Variants in ARFGAP3 observed in about 807,000 individuals in gnomAD.
ARFGAP3 encodes ARF GTPase activating protein 3.
ARFGAP3 carries 72 observed loss-of-function variants against 75.0 expected under a neutral mutation model. The observed-to-expected ratio is 0.96, with a 90% CI of 0.79 to 1.17. The LOEUF (loss-of-function observed/expected upper bound fraction) is 1.17, where lower values mean the gene tolerates loss of function less well. Among genes scored for constraint, ARFGAP3 ranks in the 50% most tolerant of loss-of-function variants. The pLI, the probability that ARFGAP3 is intolerant of heterozygous loss-of-function variation, is 0.00. For missense variants in ARFGAP3, 620 were observed against 626.6 expected, an observed-to-expected ratio of 0.99 and a Z score of 0.11; for synonymous variants, 221 against 217.9, an observed-to-expected ratio of 1.01 and a Z score of -0.13.
chr22:42,799,765 C>A (rs1394369893), intron 14 of ARFGAP3, among the ~76,000 whole-genome samples: 1 of 152,150 alleles, frequency 6.6e-6, no homozygotes, highest in African/African-American at 2.4e-5. Context: ...ACGACTGCCC[C>A]TCCCACTCGC....
intron 6 of ARFGAP3, among the ~76,000 whole-genome samples, chr22:42,828,401 T>C (rs56138607): frequency 6.6e-6 from 1 of 151,600 alleles, no homozygotes. Context: ...ACTAAAAATA[T>C]AAAAATTAGC....
At position 42,799,141 on chromosome 22, in the gene ARFGAP3, A is replaced by G. The variant is rs1128013; in HGVS notation, c.1431T>C (p.Ser477=). ...CCATGTCGGGGGCGTTGGGCAGCAC[A>G]CTGGACAGGCTGTAGTTCCCTGCAC... The part of the protein sequence containing the change: ...KQPAGNYSLS[S]VLPNAPDMAQ... The change falls in exon 15 of 16, where the codon AGT becomes AGC. Residue 477 remains serine, a synonymous_variant. Coordinates refer to ENST00000263245, the MANE Select transcript of ARFGAP3 (RefSeq NM_014570.5). 745,773 of 1,613,726 alleles carry G rather than the reference A, an allele frequency of 0.46. 177,656 individuals carry two copies. The highest frequency in any genetic ancestry group is 0.51 in the African/African-American group (38,246 of 74,878).
chr22:42,797,700 C>T (rs769076419), intron 15 of ARFGAP3, 95 bp from the exon 16 acceptor site: 457 of 1,611,544 alleles, frequency 2.8e-4, no homozygotes, highest in Non-Finnish European at 3.1e-4. Flanking sequence ...ATTGACACTG[C>T]AGCCCATGTC....
intron 11 of ARFGAP3, among the ~76,000 whole-genome samples, chr22:42,811,959 T>C (rs1030898998): frequency 1.3e-5 from 2 of 152,112 alleles, no homozygotes; most frequent in African/African-American, 4.8e-5. Context: ...GGTGGATTGC[T>C]TGAGCCTGGG....
intron 11 of ARFGAP3, 81 bp from the exon 12 acceptor site, chr22:42,811,025 G>A: frequency 6.4e-7 from 1 of 1,554,558 alleles, no homozygotes; most frequent in African/African-American, 1.4e-5. Flanking sequence ...CACAGATGTG[G>A]GGGATGCCTC....
At chr22:42,838,290 A>ATATATTT (rs1555899059) in intron 3 of ARFGAP3, among the ~76,000 whole-genome samples, 116 of 137,188 alleles carry the variant, frequency 8.5e-4, no homozygotes, top group Non-Finnish European at 1.3e-3. Context: ...ATATATATAT[A>ATATATTT]TTTTTTTTTT....
chr22:42,824,999 G>A (rs760747227), intron 7 of ARFGAP3, among the ~76,000 whole-genome samples: 1 of 152,198 alleles, frequency 6.6e-6, no homozygotes, highest in Non-Finnish European at 1.5e-5. Context: ...CCATGTTGCT[G>A]CAAAGGACAT....
chr22:42,845,120 A>G (rs1397364628), intron 2 of ARFGAP3, among the ~76,000 whole-genome samples: 2 of 152,236 alleles, frequency 1.3e-5, no homozygotes, highest in African/African-American at 4.8e-5. Context: ...AGAGGGAAAG[A>G]ACACAGTAAA....
chr22:42,836,051 C>G (rs9607960), intron 3 of ARFGAP3, among the ~76,000 whole-genome samples: 5,640 of 143,280 alleles, frequency 0.039, 151 homozygotes, highest in African/African-American at 0.076. Flanking sequence ...GGCTCCATCT[C>G]GGTTCACTGC....
chr22:42,850,277 T>C (rs1927217970), intron 1 of ARFGAP3, among the ~76,000 whole-genome samples: 1 of 151,670 alleles, frequency 6.6e-6, no homozygotes, highest in Non-Finnish European at 1.5e-5. Flanking sequence ...AAAAAATACA[T>C]ATTAGATATA....
intron 5 of ARFGAP3, 173 bp from the exon 6 acceptor site, chr22:42,831,809 G>GCAAGACCCTGTT: frequency 5.5e-6 from 5 of 914,394 alleles, no homozygotes; most frequent in Non-Finnish European, 6.5e-6. Flanking sequence ...TAGAAACAGG[G>GCAAGACCCTGTT]TCTTGCTCTG....
intron 7 of ARFGAP3, among the ~76,000 whole-genome samples, chr22:42,825,685 CAAAA>C (rs538206434): frequency 1.6e-5 from 1 of 64,416 alleles, no homozygotes; most frequent in Non-Finnish European, 3.4e-5. Flanking sequence ...ACTCTGTCTC[CAAAA>C]AAAAAAAAAA....
At chr22:42,826,175 A>G (rs540536112) in intron 7 of ARFGAP3, among the ~76,000 whole-genome samples, 63 of 152,342 alleles carry the variant, frequency 4.1e-4, no homozygotes, top group African/African-American at 1.4e-3. Flanking sequence ...ATATATAACA[A>G]TTACAAATTA....
At chr22:42,851,540 T>C (rs1927276792) in intron 1 of ARFGAP3, among the ~76,000 whole-genome samples, 2 of 152,176 alleles carry the variant, frequency 1.3e-5, no homozygotes, top group African/African-American at 4.8e-5. Context: ...CGAATGCACA[T>C]GGTGGAGCAG....
At chr22:42,809,709 T>C (rs1209813520) in intron 12 of ARFGAP3, among the ~76,000 whole-genome samples, 1 of 151,850 alleles carries the variant, frequency 6.6e-6, no homozygotes, top group Non-Finnish European at 1.5e-5. Context: ...TACCTTAAAA[T>C]TGGGGGAAAA....
At chr22:42,815,509 G>A (rs761093182) in intron 11 of ARFGAP3, among the ~76,000 whole-genome samples, 1 of 146,904 alleles carries the variant, frequency 6.8e-6, no homozygotes, top group Middle Eastern at 3.7e-3. Context: ...ACAATTCCTT[G>A]TCTATAAACA....
intron 1 of ARFGAP3, among the ~76,000 whole-genome samples, chr22:42,849,964 C>A (rs560241283): frequency 4.6e-4 from 70 of 152,198 alleles, no homozygotes; most frequent in African/African-American, 1.5e-3. Context: ...TCACACACAG[C>A]CTGAAAAATA....
chr22:42,839,779 T>G (rs1926698963), intron 3 of ARFGAP3, among the ~76,000 whole-genome samples: 1 of 152,198 alleles, frequency 6.6e-6, no homozygotes, highest in South Asian at 2.1e-4. Flanking sequence ...TTAAAGCACT[T>G]ATCACTGCCT....
chr22:42,847,718 A>G, intron 1 of ARFGAP3, 86 bp from the exon 2 acceptor site: 1 of 1,499,006 alleles, frequency 6.7e-7, no homozygotes, highest in Non-Finnish European at 8.9e-7. Context: ...TTAGCTTGAA[A>G]ACTGTTTAAC....
Sources: allele counts gnomAD v4.1 joint callset (sites outside exome capture counted in the v4.1 genomes callset), GRCh38; gene constraint gnomAD v4.1.1; transcripts MANE v1.5; gene names NCBI Gene and HGNC (gene_info 2026-07-23, HGNC 2026-07-21).